MTHFD2L: variants seen among roughly 807,000 people sequenced by gnomAD.
MTHFD2L encodes methylenetetrahydrofolate dehydrogenase (NADP+ dependent) 2 like.
A neutral mutation model predicts 34.9 loss-of-function variants in MTHFD2L; 29 were observed. The ratio of observed to expected loss-of-function variants is 0.83; its 90% CI spans 0.62 to 1.13. MTHFD2L has a LOEUF of 1.13. MTHFD2L is among the 50% of genes most tolerant of loss of function. MTHFD2L has a pLI of 0.00. For missense variants in MTHFD2L, 481 were observed against 446.5 expected (o/e 1.08, Z -0.70); for synonymous variants, 167 against 155.7 (o/e 1.07, Z -0.54).
chr4:74,243,728 A>G (rs1742024779), intron 6 of MTHFD2L, among the ~76,000 whole-genome samples: 1 of 152,132 alleles, frequency 6.6e-6, no homozygotes, highest in Admixed American at 6.6e-5. Flanking sequence ...AGCACCTATA[A>G]ATTCTCCCAA....
intron 5 of MTHFD2L, among the ~76,000 whole-genome samples, chr4:74,205,884 A>G (rs76836949): frequency 0.01 from 1,581 of 152,304 alleles, 29 homozygotes; most frequent in African/African-American, 0.036. Flanking sequence ...AATTTTAAAT[A>G]GTCAGTGGCA....
intron 6 of MTHFD2L, among the ~76,000 whole-genome samples, chr4:74,236,273 A>G (rs1017292210): frequency 1.3e-5 from 2 of 152,188 alleles, no homozygotes; most frequent in Non-Finnish European, 2.9e-5. Context: ...TCCCATGTCC[A>G]TTATTTGATT....
chr4:74,247,118 A>C (rs1742586999), intron 6 of MTHFD2L, among the ~76,000 whole-genome samples: 4 of 150,278 alleles, frequency 2.7e-5, no homozygotes, highest in East Asian at 2.0e-4. Flanking sequence ...TGAGCATGGA[A>C]TGTTCTTCCA....
intron 6 of MTHFD2L, among the ~76,000 whole-genome samples, chr4:74,238,541 A>G (rs1741185414): frequency 6.6e-6 from 1 of 152,232 alleles, no homozygotes; most frequent in African/African-American, 2.4e-5. Context: ...CACTGTCATC[A>G]GAATGAACAG....
rs554238300 is a variant in MTHFD2L, at chr4:74,213,222, A to T, written c.712+11852A>T. On this transcript the variant is annotated intron_variant, in intron 5 of 7. Coordinates refer to ENST00000325278, the MANE Select transcript of MTHFD2L (RefSeq NM_001144978.3). ...TTTAAGTTTAATATTGTTATGTGTG[A>T]ATTTGATCCTGTCATTATGATGCTA... 3.9e-5 allele frequency among the ~76,000 whole-genome samples: 6 copies of T among 152,178 alleles called. No individual in the cohort carries two copies. The South Asian group carries it at 8.3e-4, about 21-fold the overall frequency.
At chr4:74,155,907 T>A (rs1440339560), upstream of MTHFD2L, among the ~76,000 whole-genome samples, 1 of 9,216 alleles carries the variant, frequency 1.1e-4, no homozygotes, top group Non-Finnish European at 2.3e-4. Flanking sequence ...TTCCATGTGA[T>A]TTAAAAAAAA....
chr4:74,173,503 G>A (rs556631483), intron 1 of MTHFD2L, among the ~76,000 whole-genome samples: 2 of 152,312 alleles, frequency 1.3e-5, no homozygotes, highest in South Asian at 2.1e-4. Context: ...ACTCACAGCT[G>A]TTGTCCGGGG....
In MTHFD2L at chr4:74,158,150, G is replaced by A. The variant is rs567082409; in HGVS notation, c.12G>A (p.Pro4=). 9.5e-5 allele frequency: 145 copies of A among 1,530,498 alleles called. No homozygotes were observed. In the African/African-American group the frequency reaches 1.8e-3, roughly 19 times the overall value. The allele number at this position is 1,530,498 out of a possible 1,614,324, so 94.8% of individuals were successfully genotyped here. A position where few individuals can be genotyped will look rare whatever the true frequency, so the allele number is the denominator to read the frequency against. Residue 4 remains proline, a synonymous_variant, in exon 1 of 8, where the codon CCG becomes CCA. Transcript: ENST00000325278. MTV[P]VRGFSLLRGR... ...GGGGATCCGCGGCCATGACGGTGCCGGTCCGCGGCTTCTCGCTGCTCCGCG... is the reference window on the plus strand; with the variant it reads ...GGGGATCCGCGGCCATGACGGTGCCAGTCCGCGGCTTCTCGCTGCTCCGCG...
rs1750332554 is a variant in MTHFD2L at position 74,301,565 on chromosome 4, A to G, written c.932-132A>G. 8 of 551,530 alleles carry G rather than the reference A, an allele frequency of 1.5e-5. No individual in the cohort carries two copies. In the South Asian group the frequency reaches 1.6e-4, roughly 11 times the overall value. 34.2% of individuals were successfully genotyped at this position (551,530 alleles called of 1,614,324 possible). A position where few individuals can be genotyped will look rare whatever the true frequency, so the allele number is the denominator to read the frequency against. On this transcript the variant is annotated intron_variant, in intron 7 of 7. Transcript: ENST00000325278. ...TGTGTGTGTGTGTGTGTGTCTGTTT[A>G]TTACAGCCTACTTGATTCTAAAAAT...
At chr4:74,181,033 AAT>A (rs1184542825) in intron 3 of MTHFD2L, among the ~76,000 whole-genome samples, 1 of 152,036 alleles carries the variant, frequency 6.6e-6, no homozygotes, top group African/African-American at 2.4e-5. Flanking sequence ...TAATTAGAAA[AAT>A]AGTCTTTTAA....
intron 6 of MTHFD2L, among the ~76,000 whole-genome samples, chr4:74,229,887 T>A (rs1456054079): frequency 6.6e-6 from 1 of 152,162 alleles, no homozygotes; most frequent in Non-Finnish European, 1.5e-5. Flanking sequence ...ACCATGGTTA[T>A]AGCACATAGT....
chr4:74,200,398 T>G lies in MTHFD2L; in HGVS notation c.604+452T>G, dbSNP rs570844049. On this transcript the variant is annotated intron_variant, in intron 4 of 7. Coordinates refer to ENST00000325278, the MANE Select transcript of MTHFD2L (RefSeq NM_001144978.3). ...GAGCATTAGCCAGATTATAGATAAC[T>G]GCAGTTGCAACTTATAGGAAGTGAA... 2.6e-5 allele frequency among the ~76,000 whole-genome samples: 4 copies of G among 152,274 alleles called. No individual in the cohort carries two copies. In the South Asian group the frequency reaches 8.3e-4, roughly 32 times the overall value.
At chr4:74,117,711 C>A (rs767367372) in intron 2 of MTHFD2L, among the ~76,000 whole-genome samples, 1 of 152,172 alleles carries the variant, frequency 6.6e-6, no homozygotes, top group African/African-American at 2.4e-5. Context: ...GAGCTGCTTC[C>A]GCAGCAGGCC....
At chr4:74,234,769 C>T (rs756550259) in intron 6 of MTHFD2L, among the ~76,000 whole-genome samples, 13 of 150,656 alleles carry the variant, frequency 8.6e-5, no homozygotes, top group Non-Finnish European at 1.8e-4. Context: ...TGTATATGTA[C>T]ATGTCTATCT....
At chr4:74,135,063 G>A (rs187886074) in intron 1 of MTHFD2L, among the ~76,000 whole-genome samples, 2 of 152,166 alleles carry the variant, frequency 1.3e-5, no homozygotes, top group East Asian at 3.9e-4. Flanking sequence ...GAAATAATAA[G>A]AGAATACTTT....
At chr4:74,251,171 T>C (rs1447128872) in intron 6 of MTHFD2L, among the ~76,000 whole-genome samples, 1 of 152,234 alleles carries the variant, frequency 6.6e-6, no homozygotes, top group Non-Finnish European at 1.5e-5. Flanking sequence ...GCCTATCATG[T>C]AGATTTCTGT....
intron 1 of MTHFD2L, among the ~76,000 whole-genome samples, chr4:74,169,864 C>T (rs1343570903): frequency 6.6e-6 from 1 of 152,108 alleles, no homozygotes; most frequent in East Asian, 1.9e-4. Context: ...TTTATTTTAA[C>T]TTGATTTGCT....
chr4:74,143,597 G>C (rs1560410957), intron 1 of MTHFD2L: 2 of 221,528 alleles, frequency 9.0e-6, no homozygotes, highest in Non-Finnish European at 1.5e-5. Flanking sequence ...TACATTTGAA[G>C]TAAGATTTTT....
At chr4:74,222,246 G>C (rs1243580073) in intron 5 of MTHFD2L, among the ~76,000 whole-genome samples, 1 of 152,020 alleles carries the variant, frequency 6.6e-6, no homozygotes. Context: ...GTTTTGTTCT[G>C]CTATAGCAGA....
Sources: allele counts gnomAD v4.1 joint callset (sites outside exome capture counted in the v4.1 genomes callset), GRCh38; gene constraint gnomAD v4.1.1; transcripts MANE v1.5; gene names NCBI Gene and HGNC (gene_info 2026-07-23, HGNC 2026-07-21).